The following TUSC3 variants were observed in gnomAD, a reference collection of about 807,000 sequenced individuals.
TUSC3 encodes the protein tumor suppressor candidate 3, also known as dolichyl-diphosphooligosaccharide--protein glycosyltransferase subunit TUSC3.
TUSC3 carries 45 observed loss-of-function variants against 44.8 expected under a neutral mutation model. The ratio of observed to expected loss-of-function variants is 1.00; its 90% CI spans 0.79 to 1.29. The LOEUF (loss-of-function observed/expected upper bound fraction) is 1.29. TUSC3 is among the 50% of genes most tolerant of loss of function. The pLI, the probability that TUSC3 is intolerant of heterozygous loss-of-function variation, is 0.00. For missense variants in TUSC3, 519 were observed against 437.9 expected (o/e 1.19, Z -1.65); for synonymous variants, 212 against 152.9 (o/e 1.39, Z -2.85).
intron 1 of TUSC3, among the ~76,000 whole-genome samples, chr8:15,444,382 G>T (rs1206760854): frequency 6.6e-6 from 1 of 152,098 alleles, no homozygotes; most frequent in East Asian, 1.9e-4. Context: ...AGGAAAAGTG[G>T]GAATTTATAG....
chr8:15,835,406 T>C, the TUSC3 span, among the ~76,000 whole-genome samples: 1 of 152,174 alleles, frequency 6.6e-6, no homozygotes, highest in African/African-American at 2.4e-5. Flanking sequence ...AATATATCAT[T>C]AGTTCACACT....
intron 2 of TUSC3, among the ~76,000 whole-genome samples, chr8:15,519,041 C>T (rs1234756058): frequency 6.6e-6 from 1 of 152,134 alleles, no homozygotes; most frequent in Non-Finnish European, 1.5e-5. Flanking sequence ...AACATTATTA[C>T]AACAGTGTTG....
intron 10 of TUSC3, among the ~76,000 whole-genome samples, chr8:15,760,419 A>G (rs941116697): frequency 1.3e-5 from 2 of 152,196 alleles, no homozygotes; most frequent in African/African-American, 4.8e-5. Flanking sequence ...AGTAATATCA[A>G]TGTATGAATT....
chr8:15,449,855 C>T (rs1265025785), intron 1 of TUSC3, among the ~76,000 whole-genome samples: 1 of 152,060 alleles, frequency 6.6e-6, no homozygotes, highest in African/African-American at 2.4e-5. Context: ...TATTTTTTTA[C>T]TGTACCTTTT....
rs1374533908 is a variant in TUSC3 at position 15,573,196 on chromosome 8, CTCTCTCTATATATA to C, written c.138+32630_138+32643del. Among the ~76,000 whole-genome samples the C allele has an allele frequency of 2.1e-3, 224 of 104,236 alleles. 2 individuals are homozygous for C. Among genetic ancestry groups the C allele is most frequent in the East Asian group, 0.015 (46 of 3,136 alleles). The allele number at this position is 104,236 out of a possible 152,430, so 68.4% of individuals were successfully genotyped here. On this transcript the variant is annotated intron_variant, in intron 1 of 10. Transcript: ENST00000503731. ...TCTCTCTCTCTCTCTCTCTCTCTCT[CTCTCTCTATATATA>C]TATATATATATATATATATAAAAGT...
intron 1 of TUSC3, among the ~76,000 whole-genome samples, chr8:15,542,393 G>T (rs1801722168): frequency 6.6e-6 from 1 of 151,988 alleles, no homozygotes; most frequent in Non-Finnish European, 1.5e-5. Context: ...GGCTTTTCCA[G>T]AATTCCAAGA....
chr8:15,724,032 CTG>C (rs1188800587), intron 6 of TUSC3, among the ~76,000 whole-genome samples: 2 of 152,116 alleles, frequency 1.3e-5, no homozygotes, highest in African/African-American at 4.8e-5. Context: ...AGGCAATTAA[CTG>C]TAAATAAGCT....
At chr8:15,443,410 G>T (rs1252766511) in intron 1 of TUSC3, among the ~76,000 whole-genome samples, 2 of 150,608 alleles carry the variant, frequency 1.3e-5, no homozygotes, top group African/African-American at 4.9e-5. Context: ...TGTTGCCTAG[G>T]GTGGTCTTGA....
intron 5 of TUSC3, among the ~76,000 whole-genome samples, chr8:15,666,629 T>C (rs1182912609): frequency 1.3e-5 from 2 of 151,492 alleles, no homozygotes; most frequent in Non-Finnish European, 3.0e-5. Context: ...GGGTCTTTTT[T>C]CATCCACATT....
Position 15,748,385 on chromosome 8 carries a change from A to C in TUSC3, c.948A>C (p.Leu316=). ...GDVGKRRIIC[L]VGLGLVVFFF... is the part of the protein sequence containing the mutation. Reference sequence around the variant, plus strand: ...TCTGTCTGTTTCTAGTAATTTGCCTAGTGGGATTGGGCCTGGTGGTCTTCT... The same window carrying C: ...TCTGTCTGTTTCTAGTAATTTGCCTCGTGGGATTGGGCCTGGTGGTCTTCT... Residue 316 remains leucine (L), a synonymous_variant, in exon 9 of 11, where the codon CTA becomes CTC. Coordinates refer to ENST00000503731, the MANE Select transcript of TUSC3 (RefSeq NM_006765.4). The C allele has an allele frequency of 6.2e-7, 1 of 1,613,226 alleles. No homozygotes were observed. The highest frequency in any genetic ancestry group is 8.5e-7 in the Non-Finnish European group (1 of 1,179,316).
intron 2 of TUSC3, among the ~76,000 whole-genome samples, chr8:15,636,732 A>G (rs1205235958): frequency 6.6e-6 from 1 of 152,238 alleles, no homozygotes; most frequent in Non-Finnish European, 1.5e-5. Context: ...GGGCTAGTCT[A>G]TATAAATGAT....
intron 2 of TUSC3, among the ~76,000 whole-genome samples, chr8:15,644,254 A>G (rs1285864705): frequency 6.6e-6 from 1 of 152,226 alleles, no homozygotes; most frequent in African/African-American, 2.4e-5. Flanking sequence ...GTTATTGCCT[A>G]AGCCTTCCTG....
intron 6 of TUSC3, among the ~76,000 whole-genome samples, chr8:15,716,792 C>T (rs1407007190): frequency 6.6e-5 from 10 of 152,054 alleles, no homozygotes; most frequent in East Asian, 1.9e-4. Flanking sequence ...AGAACATTTA[C>T]TATATAGTTA....
At chr8:15,554,155 C>G (rs1439373742) in intron 1 of TUSC3, among the ~76,000 whole-genome samples, 1 of 46,902 alleles carries the variant, frequency 2.1e-5, no homozygotes, top group Non-Finnish European at 6.4e-5. Context: ...ATTTTGTCAT[C>G]TCTTCAAACC....
chr8:15,748,244 TTGTTGTACC>T, intron 8 of TUSC3, 122 bp from the exon 9 acceptor site: 1 of 732,866 alleles, frequency 1.4e-6, no homozygotes, highest in South Asian at 1.5e-5. Flanking sequence ...AAATACCTGT[TTGTTGTACC>T]TGTATGTACC....
intron 2 of TUSC3, among the ~76,000 whole-genome samples, chr8:15,520,999 C>T (rs1371005179): frequency 6.6e-6 from 1 of 152,194 alleles, no homozygotes; most frequent in African/African-American, 2.4e-5. Context: ...GACTGTACCA[C>T]TCCCTCCCCA....
At position 15,624,334 on chromosome 8, in the gene TUSC3, C is replaced by T. The variant is rs556714901; in HGVS notation, c.308+1085C>T. Among the ~76,000 whole-genome samples the T allele has an allele frequency of 9.5e-4, 145 of 152,224 alleles. 2 individuals carry two copies. Among genetic ancestry groups the T allele is most frequent in the Admixed American group, 2.0e-3 (30 of 15,286 alleles). On this transcript the variant is annotated intron_variant, in intron 2 of 10. Transcript: ENST00000503731. ...TACCGTTTTTCTGGGAAGAATGCCA[C>T]AGAGTGTGGTGGTTAGGTTGTGTGG...
intron 1 of TUSC3, among the ~76,000 whole-genome samples, chr8:15,566,448 C>T (rs889760825): frequency 5.3e-5 from 8 of 151,956 alleles, no homozygotes; most frequent in African/African-American, 1.9e-4. Context: ...GATGAGGGGG[C>T]CTAAGTTTAA....
intron 1 of TUSC3, among the ~76,000 whole-genome samples, chr8:15,584,751 C>A (rs997847798): frequency 1.1e-4 from 17 of 152,030 alleles, no homozygotes; most frequent in African/African-American, 4.1e-4. Context: ...GTAGTGAGAA[C>A]AGGATTCATT....
Sources: gnomAD v4.1 joint callset for allele counts (sites outside exome capture counted in the v4.1 genomes callset) on GRCh38, gnomAD v4.1.1 for gene constraint, MANE v1.5 for transcripts, NCBI Gene and HGNC (gene_info 2026-07-23, HGNC 2026-07-21) for gene names.